RMDN1: variants seen among roughly 807,000 people sequenced by gnomAD.
The protein encoded by RMDN1 is regulator of microtubule dynamics 1.
In RMDN1, 48 loss-of-function variants were observed where a neutral mutation model predicts 48.9. The observed-to-expected ratio is 0.98, with a 90% CI of 0.78 to 1.25. The LOEUF is 1.25. Ranked by LOEUF, RMDN1 falls within the 50% of genes most tolerant of loss-of-function variation. The pLI is 0.00. For missense variants in RMDN1, 418 were observed against 373.4 expected (o/e 1.12, Z -0.98); for synonymous variants, 148 against 132.6 (o/e 1.12, Z -0.80).
At chr8:86,497,891 T>C (rs1056065228) in intron 2 of RMDN1, among the ~76,000 whole-genome samples, 4 of 149,916 alleles carry the variant, frequency 2.7e-5, no homozygotes, top group African/African-American at 9.9e-5. Flanking sequence ...AAGTGGGGAG[T>C]TCGAGACAGC....
downstream of RMDN1, among the ~76,000 whole-genome samples, chr8:86,471,422 A>G (rs1812553553): frequency 6.6e-6 from 1 of 152,136 alleles, no homozygotes; most frequent in Non-Finnish European, 1.5e-5. Context: ...AGAAATTGAA[A>G]ATGAGAAAAA....
intron 4 of RMDN1, among the ~76,000 whole-genome samples, chr8:86,486,195 C>T (rs959390154): frequency 5.9e-5 from 9 of 152,110 alleles, no homozygotes; most frequent in African/African-American, 2.2e-4. Flanking sequence ...CATGAAATTA[C>T]TAAACTCCTG....
chr8:86,485,499 G>C lies in RMDN1; in HGVS notation c.496-538C>G, dbSNP rs1352316232. The stretch of plus-strand genomic sequence containing the variant: ...AGAGAACTATAATACAAGGTAGAAA[G>C]TGGTGAATTTTCCAAGAAAGTTACC... On this transcript the variant is annotated intron_variant, in intron 4 of 9. Coordinates refer to ENST00000406452, the MANE Select transcript of RMDN1 (RefSeq NM_016033.3). 2.6e-5 allele frequency among the ~76,000 whole-genome samples: 4 copies of C among 152,200 alleles called. No homozygotes were observed. In the South Asian group the frequency reaches 8.3e-4, roughly 31 times the overall value.
At chr8:86,482,580 G>C (rs566983543) in intron 5 of RMDN1, 9 of 748,030 alleles carry the variant, frequency 1.2e-5, no homozygotes, top group South Asian at 1.1e-4. Context: ...AGAAGTTAAT[G>C]AGTGAGTTTT....
chr8:86,497,415 A>C (rs1432902816), intron 2 of RMDN1, among the ~76,000 whole-genome samples: 1 of 152,194 alleles, frequency 6.6e-6, no homozygotes, highest in Non-Finnish European at 1.5e-5. Flanking sequence ...TCAAGAAACA[A>C]AGAGAGGCTG....
At chr8:86,503,739 C>CT (rs1233336660) in intron 2 of RMDN1, 2 of 484,472 alleles carry the variant, frequency 4.1e-6, no homozygotes, top group Non-Finnish European at 8.2e-6. Flanking sequence ...ATCCCTCCCT[C>CT]TGAGATGTTG....
chr8:86,486,591 GAGCTAC>G lies in RMDN1; in HGVS notation c.382_387del (p.Val128_Ala129del). ...TCCTCTTCTGAGGTTCTGCTAAGCT[GAGCTAC>G]ATCACGTGATGCCCGTGCCAAACGC... On this transcript the variant is annotated inframe_deletion, in exon 4 of 10. Coordinates refer to ENST00000406452, the MANE Select transcript of RMDN1 (RefSeq NM_016033.3). 6.2e-7 allele frequency: 1 copy of G among 1,612,270 alleles called. No individual in the cohort carries two copies. The highest frequency in any genetic ancestry group is 1.3e-5 in the African/African-American group (1 of 75,004).
chr8:86,482,267 C>T, intron 5 of RMDN1: 1 of 313,800 alleles, frequency 3.2e-6, no homozygotes, highest in Non-Finnish European at 5.9e-6. Flanking sequence ...CCAGGTGTGG[C>T]AGTGGGCGCC....
intron 2 of RMDN1, chr8:86,503,717 G>T: frequency 2.1e-6 from 1 of 473,640 alleles, no homozygotes; most frequent in South Asian, 1.7e-5. Context: ...CACTTTGAGT[G>T]ACCAGGCAAA....
At chr8:86,501,290 G>C (rs1344608570) in intron 2 of RMDN1, among the ~76,000 whole-genome samples, 2 of 152,144 alleles carry the variant, frequency 1.3e-5, no homozygotes, top group Non-Finnish European at 2.9e-5. Context: ...ACTGAATTTT[G>C]TTACTTCAGA....
chr8:86,475,544 C>A (rs1380796319), intron 8 of RMDN1, among the ~76,000 whole-genome samples: 2 of 151,306 alleles, frequency 1.3e-5, no homozygotes, highest in Non-Finnish European at 2.9e-5. Context: ...ACTAGATATA[C>A]AAACTTTGAA....
intron 8 of RMDN1, among the ~76,000 whole-genome samples, chr8:86,476,440 C>G (rs761189989): frequency 2.6e-5 from 4 of 152,042 alleles, no homozygotes; most frequent in Non-Finnish European, 4.4e-5. Context: ...TATGTCTTCT[C>G]CTGATTAAGT....
rs1009122476 is a variant in RMDN1, at chr8:86,473,884, C to G, written c.*424G>C. 5.0e-6 allele frequency: 5 copies of G among 995,532 alleles called. No individual in the cohort carries two copies. The highest frequency in any genetic ancestry group is 6.0e-6 in the Non-Finnish European group (5 of 836,844). 61.7% of individuals were successfully genotyped at this position (995,532 alleles called of 1,614,324 possible). On this transcript the variant is annotated 3_prime_UTR_variant, in exon 10 of 10. Coordinates refer to ENST00000406452, the MANE Select transcript of RMDN1 (RefSeq NM_016033.3). ...ACTTTATGTCAGGAACCCACAACAT[C>G]CTAACCACTGTCACCACACCTTCTC... is the stretch of plus-strand genomic sequence containing the variant.
At chr8:86,470,345 A>G, downstream of RMDN1, 1 of 1,289,310 alleles carries the variant, frequency 7.8e-7, no homozygotes, top group South Asian at 1.2e-5. Flanking sequence ...GTTTGTTCTC[A>G]GTAATGGGTC....
At chr8:86,471,162 T>G (rs1482487546), downstream of RMDN1, among the ~76,000 whole-genome samples, 1 of 151,818 alleles carries the variant, frequency 6.6e-6, no homozygotes, top group Non-Finnish European at 1.5e-5. Flanking sequence ...TTTTTTTTTT[T>G]TCAATTTGTG....
Position 86,477,313 on chromosome 8 carries a change from G to A in RMDN1, c.741C>T (p.Tyr247=). 1 of 1,600,560 alleles carries A rather than the reference G, an allele frequency of 6.2e-7. No homozygotes were observed. The highest frequency in any genetic ancestry group is 1.3e-5 in the African/African-American group (1 of 74,282). The change falls in exon 8 of 10, where the codon TAC becomes TAT. Residue 247 remains tyrosine (Y), a synonymous_variant. Coordinates refer to ENST00000406452, the MANE Select transcript of RMDN1 (RefSeq NM_016033.3). ...CCTTACCTTGTTCTGCCCTGTGAAAGTAGCCTAAGGCCTGTCAAAAACACA... is the reference window on the plus strand; with the variant it reads ...CCTTACCTTGTTCTGCCCTGTGAAAATAGCCTAAGGCCTGTCAAAAACACA... The part of the protein sequence containing the change: ...PSSTYEKALG[Y]FHRAEQVDPN...
upstream of RMDN1, among the ~76,000 whole-genome samples, chr8:86,510,058 C>CT (rs1204519169): frequency 1.3e-5 from 2 of 152,124 alleles, no homozygotes; most frequent in African/African-American, 4.8e-5. Context: ...AAATTAGATC[C>CT]TAAGAAAAGT....
rs200289866 is a variant in RMDN1, at chr8:86,477,335, C to T, written c.730-11G>A. 3 of 839,652 alleles carry T rather than the reference C, an allele frequency of 3.6e-6. No individual in the cohort carries two copies. Among genetic ancestry groups the T allele is most frequent in the Non-Finnish European group, 4.6e-6 (3 of 649,864 alleles). The allele number at this position is 839,652 out of a possible 1,614,324, so 52.0% of individuals were successfully genotyped here. A position where few individuals can be genotyped will look rare whatever the true frequency, so the allele number is the denominator to read the frequency against. ...AAAGTAGCCTAAGGCCTGTCAAAAA[C>T]ACAAAGAGCCCAAACATAATAAAAA... On this transcript the variant is annotated splice_polypyrimidine_tract_variant and intron_variant, in intron 7 of 9. Transcript: ENST00000406452.
At chr8:86,504,655 A>G in intron 2 of RMDN1, 1 of 877,576 alleles carries the variant, frequency 1.1e-6, no homozygotes, top group South Asian at 1.3e-5. Flanking sequence ...AAGGATGAGT[A>G]TAATGGGATG....
Sources: allele counts gnomAD v4.1 joint callset (sites outside exome capture counted in the v4.1 genomes callset), GRCh38; gene constraint gnomAD v4.1.1; transcripts MANE v1.5; gene names NCBI Gene and HGNC (gene_info 2026-07-23, HGNC 2026-07-21).